Variants in RASGEF1B observed in about 807,000 individuals in gnomAD.
RASGEF1B encodes the protein ras-GEF domain-containing family member 1B.
RASGEF1B carries 30 observed loss-of-function variants against 65.7 expected under a neutral mutation model. The observed-to-expected ratio is 0.46, with a 90% CI of 0.34 to 0.62. RASGEF1B has a LOEUF of 0.62. RASGEF1B is among the 20% of genes least tolerant of loss of function. RASGEF1B has a pLI of 0.01. For missense variants in RASGEF1B, 495 were observed against 580.1 expected (o/e 0.85, Z 1.51); for synonymous variants, 175 against 194.8 (o/e 0.90, Z 0.85).
chr4:81,432,693 G>C (rs892337932), intron 12 of RASGEF1B, among the ~76,000 whole-genome samples: 5 of 148,050 alleles, frequency 3.4e-5, no homozygotes, highest in African/African-American at 1.3e-4. Context: ...TACAAAGAAA[G>C]GGGTGGGAGT....
At chr4:81,431,893 G>T (rs1229545910) in intron 13 of RASGEF1B, among the ~76,000 whole-genome samples, 2 of 152,116 alleles carry the variant, frequency 1.3e-5, no homozygotes, top group African/African-American at 4.8e-5. Flanking sequence ...CTTGGAAAGT[G>T]GCAAACCCAA....
At chr4:81,457,716 C>G (rs1722499140) in intron 2 of RASGEF1B, 95 bp from the exon 3 acceptor site, 2 of 1,403,270 alleles carry the variant, frequency 1.4e-6, no homozygotes, top group East Asian at 4.6e-5. Context: ...TTCTCCTGAT[C>G]AAGTTCATAT....
intron 13 of RASGEF1B, among the ~76,000 whole-genome samples, chr4:81,431,376 T>C (rs368223168): frequency 6.6e-6 from 1 of 152,000 alleles, no homozygotes; most frequent in Non-Finnish European, 1.5e-5. Flanking sequence ...TATGTTTGTG[T>C]CTGGGCATAC....
At chr4:81,451,206 G>C (rs1161062829) in intron 4 of RASGEF1B, 2 of 152,220 alleles carry the variant, frequency 1.3e-5, no homozygotes, top group African/African-American at 4.8e-5. Context: ...AACAGAGTTT[G>C]ATATGAAGAA....
intron 1 of RASGEF1B, among the ~76,000 whole-genome samples, chr4:81,468,694 A>G (rs1054067632): frequency 3.3e-5 from 5 of 152,208 alleles, no homozygotes; most frequent in Admixed American, 2.6e-4. Context: ...TAAAAAAGAA[A>G]TTTCACTCTC....
chr4:81,432,158 A>C (rs1458808813), intron 13 of RASGEF1B, 141 bp downstream of exon 13: 1 of 501,862 alleles, frequency 2.0e-6, no homozygotes. Context: ...ATTCTGAGCC[A>C]CAAAGATTTG....
chr4:81,470,717 G>A (rs1246074726), intron 1 of RASGEF1B, among the ~76,000 whole-genome samples: 2 of 152,138 alleles, frequency 1.3e-5, no homozygotes, highest in Non-Finnish European at 2.9e-5. Context: ...CAGGGAGGAT[G>A]GACACATCTA....
At chr4:81,447,338 G>T (rs953830093) in intron 6 of RASGEF1B, among the ~76,000 whole-genome samples, 166 bp downstream of exon 6, 2 of 151,956 alleles carry the variant, frequency 1.3e-5, no homozygotes, top group African/African-American at 4.8e-5. Flanking sequence ...TGGAGACCTC[G>T]CTCAAGAAAA....
At chr4:81,430,523 A>T (rs1382856437) in intron 13 of RASGEF1B, among the ~76,000 whole-genome samples, 1 of 152,042 alleles carries the variant, frequency 6.6e-6, no homozygotes, top group East Asian at 1.9e-4. Context: ...AGCTATAAAC[A>T]TTCACCCCTA....
chr4:81,466,635 T>C (rs1157591493), intron 1 of RASGEF1B, among the ~76,000 whole-genome samples: 2 of 151,232 alleles, frequency 1.3e-5, no homozygotes, highest in African/African-American at 4.9e-5. Flanking sequence ...GGCGGGTGCC[T>C]GTAGTCCCAG....
chr4:81,440,954 T>C (rs749612566), intron 9 of RASGEF1B, 25 bp from the exon 10 acceptor site: 4 of 1,416,300 alleles, frequency 2.8e-6, no homozygotes, highest in Admixed American at 1.7e-5. Flanking sequence ...GAGAAGAATA[T>C]TAACTATTTA....
intron 1 of RASGEF1B, among the ~76,000 whole-genome samples, chr4:81,470,776 C>T (rs890523339): frequency 2.0e-5 from 3 of 152,178 alleles, no homozygotes; most frequent in African/African-American, 7.2e-5. Flanking sequence ...GTGTTATCTG[C>T]CACACTTGTG....
At chr4:81,459,561 T>C (rs763634709) in intron 1 of RASGEF1B, 47 bp from the exon 2 acceptor site, 63 of 1,403,212 alleles carry the variant, frequency 4.5e-5, no homozygotes, top group Non-Finnish European at 5.3e-5. Context: ...CAATATGCAG[T>C]ATGAAAATAA....
At chr4:81,456,356 A>G in intron 4 of RASGEF1B, 1 of 595,468 alleles carries the variant, frequency 1.7e-6, no homozygotes, top group Non-Finnish European at 3.0e-6. Flanking sequence ...TGGGAGGAAA[A>G]AAGGTAAAAG....
intron 3 of RASGEF1B, 21 bp downstream of exon 3, chr4:81,457,478 C>T (rs1722488292): frequency 1.2e-6 from 2 of 1,607,998 alleles, no homozygotes; most frequent in African/African-American, 1.3e-5. Flanking sequence ...CCTAATAAAA[C>T]AAATTGTAAT....
chr4:81,446,882 C>G (rs950985473), intron 6 of RASGEF1B, among the ~76,000 whole-genome samples: 1 of 152,244 alleles, frequency 6.6e-6, no homozygotes, highest in African/African-American at 2.4e-5. Flanking sequence ...CCCCCACTCT[C>G]AGAAGGGGGC....
chr4:81,442,329 T>C lies in RASGEF1B; in HGVS notation c.976A>G (p.Lys326Glu), dbSNP rs1721868599. Residue 326 changes from lysine to glutamate, a missense_variant, in exon 9 of 14, where the codon AAA becomes GAA. Lys to Glu is a moderately conservative substitution (Grantham distance 56). Transcript: ENST00000264400. ...PVSRLKKTWA[K>E]VKTAKFDILE... ...ATGTCAAATTTTGCAGTCTTCACTT[T>C]GGCCCAAGTTTTTTTTAGTCGAGAG... is the stretch of plus-strand genomic sequence containing the variant. 6.2e-7 allele frequency: 1 copy of C among 1,613,524 alleles called. No individual in the cohort carries two copies. Among genetic ancestry groups the C allele is most frequent in the Non-Finnish European group, 8.5e-7 (1 of 1,179,474 alleles).
At chr4:81,435,937 C>A (rs1194956437) in intron 10 of RASGEF1B, among the ~76,000 whole-genome samples, 1 of 151,692 alleles carries the variant, frequency 6.6e-6, no homozygotes, top group Non-Finnish European at 1.5e-5. Context: ...TGCCACCACA[C>A]CCAGTTAATT....
chr4:81,427,304 T>C lies in RASGEF1B; in HGVS notation c.*464A>G, dbSNP rs1721260988. The C allele has an allele frequency of 6.4e-6, 1 of 156,592 alleles. No individual in the cohort carries two copies. 9.7% of individuals were successfully genotyped at this position (156,592 alleles called of 1,614,324 possible). A position where few individuals can be genotyped will look rare whatever the true frequency, so the allele number is the denominator to read the frequency against. On this transcript the variant is annotated 3_prime_UTR_variant, in exon 14 of 14. Transcript: ENST00000264400. ...GGTTTGGGATCTAAACGGGGGGGTTTTAGATCCCCTCCCTCCACTCCTTTC... is the reference window on the plus strand; with the variant it reads ...GGTTTGGGATCTAAACGGGGGGGTTCTAGATCCCCTCCCTCCACTCCTTTC...
Sources: gnomAD v4.1 joint callset for allele counts (sites outside exome capture counted in the v4.1 genomes callset) on GRCh38, gnomAD v4.1.1 for gene constraint, MANE v1.5 for transcripts, NCBI Gene and HGNC (gene_info 2026-07-23, HGNC 2026-07-21) for gene names.